Variants in ANKS1B observed in about 807,000 individuals in gnomAD.
ANKS1B encodes ankyrin repeat and sterile alpha motif domain containing 1B.
Under a neutral mutation model 148.3 loss-of-function variants are expected in ANKS1B, and 36 were observed. That is an observed-to-expected ratio of 0.24 (90% CI 0.19 to 0.32). The LOEUF (loss-of-function observed/expected upper bound fraction) is 0.32, where lower values mean the gene tolerates loss of function less well. ANKS1B is among the 10% of genes least tolerant of loss of function. ANKS1B has a pLI of 1.00. For synonymous variants in ANKS1B, 542 were observed against 560.8 expected, an observed-to-expected ratio of 0.97 and a Z score of 0.47; for missense variants, 1,157 against 1,542.6, an observed-to-expected ratio of 0.75 and a Z score of 4.19.
At chr12:99,893,268 G>A (rs568743867) in intron 1 of ANKS1B, among the ~76,000 whole-genome samples, 18 of 152,128 alleles carry the variant, frequency 1.2e-4, no homozygotes, top group African/African-American at 3.6e-4. Flanking sequence ...AAAATTAGCC[G>A]GGTGTGGTGG....
intron 17 of ANKS1B, among the ~76,000 whole-genome samples, chr12:98,886,918 C>T (rs1317523573): frequency 6.6e-6 from 1 of 151,990 alleles, no homozygotes; most frequent in Non-Finnish European, 1.5e-5. Context: ...ACAAAAAACT[C>T]ACAAATGCAG....
At chr12:99,343,264 C>G (rs905435964) in intron 12 of ANKS1B, among the ~76,000 whole-genome samples, 2 of 152,074 alleles carry the variant, frequency 1.3e-5, no homozygotes, top group African/African-American at 2.4e-5. Flanking sequence ...AGTCCAGCCT[C>G]TCTAGACTAC....
chr12:99,926,931 G>A (rs1456903201), intron 1 of ANKS1B, among the ~76,000 whole-genome samples: 1 of 152,116 alleles, frequency 6.6e-6, no homozygotes, highest in African/African-American at 2.4e-5. Context: ...GTAATTCTGT[G>A]GTTAGAACAT....
chr12:99,641,057 G>A (rs773933465), intron 9 of ANKS1B, among the ~76,000 whole-genome samples: 133 of 152,142 alleles, frequency 8.7e-4, no homozygotes, highest in African/African-American at 3.1e-3. Context: ...CAGATTTTCT[G>A]AGCACATACA....
In ANKS1B at chr12:99,255,661, T is replaced by C. The variant is rs572928110; in HGVS notation, c.1757-8797A>G. 2.0e-5 allele frequency among the ~76,000 whole-genome samples: 3 copies of C among 152,324 alleles called. No homozygotes were observed. The East Asian group carries it at 5.8e-4, about 29-fold the overall frequency. ...CATCACATTTGATATTTAGCATTTA[T>C]ATTTTTGTTTAACTTTAAAGGTTTT... On this transcript the variant is annotated intron_variant, in intron 12 of 26. Transcript: ENST00000683438.
At chr12:99,226,671 G>A (rs1285661891) in intron 14 of ANKS1B, among the ~76,000 whole-genome samples, 1 of 152,160 alleles carries the variant, frequency 6.6e-6, no homozygotes, top group African/African-American at 2.4e-5. Context: ...ATAAAACCGT[G>A]GAAATGTCCT....
intron 16 of ANKS1B, among the ~76,000 whole-genome samples, chr12:99,071,410 A>G (rs894716739): frequency 6.6e-6 from 1 of 152,222 alleles, no homozygotes; most frequent in Non-Finnish European, 1.5e-5. Flanking sequence ...CCTTATTCAA[A>G]ATGGCGAATA....
chr12:99,142,980 G>T (rs1340018880), intron 15 of ANKS1B, among the ~76,000 whole-genome samples: 1 of 152,078 alleles, frequency 6.6e-6, no homozygotes, highest in Non-Finnish European at 1.5e-5. Context: ...ATCTCTACAG[G>T]ATTACACCTT....
intron 1 of ANKS1B, among the ~76,000 whole-genome samples, chr12:99,921,190 G>A (rs867020476): frequency 3.3e-5 from 5 of 152,142 alleles, no homozygotes; most frequent in Admixed American, 6.6e-5. Context: ...TCTGTCAACA[G>A]AGGAAGGTGA....
At chr12:98,956,746 G>A (rs571063910) in intron 17 of ANKS1B, among the ~76,000 whole-genome samples, 15 of 152,176 alleles carry the variant, frequency 9.9e-5, no homozygotes, top group South Asian at 2.1e-4. Context: ...ACTTACAGTC[G>A]TCATACAGTA....
chr12:99,238,339 C>T (rs758862860), intron 14 of ANKS1B, among the ~76,000 whole-genome samples: 13 of 152,222 alleles, frequency 8.5e-5, no homozygotes, highest in East Asian at 1.9e-4. Context: ...TGCAGCTTGA[C>T]GGGGGGAGGG....
At chr12:99,038,078 G>A (rs2099956627) in intron 17 of ANKS1B, among the ~76,000 whole-genome samples, 1 of 152,108 alleles carries the variant, frequency 6.6e-6, no homozygotes, top group Non-Finnish European at 1.5e-5. Context: ...GCGCAGAAAC[G>A]TTTTTTGGCC....
chr12:99,390,583 T>C (rs2152545887), intron 12 of ANKS1B, among the ~76,000 whole-genome samples: 1 of 152,262 alleles, frequency 6.6e-6, no homozygotes, highest in Admixed American at 6.5e-5. Context: ...CGAGAGAATG[T>C]AGCATAATAA....
At chr12:99,435,995 T>C (rs1194518827) in intron 11 of ANKS1B, among the ~76,000 whole-genome samples, 1 of 152,052 alleles carries the variant, frequency 6.6e-6, no homozygotes. Flanking sequence ...CAAATCGCTC[T>C]TTGTTTTACT....
chr12:99,941,679 T>A (rs913029499), intron 1 of ANKS1B, among the ~76,000 whole-genome samples: 3 of 152,040 alleles, frequency 2.0e-5, no homozygotes, highest in African/African-American at 7.2e-5. Context: ...TGAAAACTGA[T>A]CTCCTAGCTA....
intron 2 of ANKS1B, among the ~76,000 whole-genome samples, chr12:99,818,277 C>T (rs749514869): frequency 1.1e-4 from 17 of 151,788 alleles, no homozygotes; most frequent in East Asian, 3.9e-4. Flanking sequence ...AGGAACACAT[C>T]GCCTGTGCTT....
intron 8 of ANKS1B, among the ~76,000 whole-genome samples, chr12:99,752,941 C>T (rs2061246856): frequency 6.6e-6 from 1 of 151,776 alleles, no homozygotes; most frequent in Non-Finnish European, 1.5e-5. Context: ...ATAGTCATAC[C>T]CTGAGGCAAA....
intron 12 of ANKS1B, among the ~76,000 whole-genome samples, chr12:99,257,620 C>G (rs1233700608): frequency 6.6e-6 from 1 of 151,846 alleles, no homozygotes; most frequent in Non-Finnish European, 1.5e-5. Flanking sequence ...TTTCCTATTT[C>G]CAGTAATAAT....
intron 12 of ANKS1B, among the ~76,000 whole-genome samples, chr12:99,340,351 C>T (rs1242227528): frequency 1.3e-5 from 2 of 152,096 alleles, no homozygotes; most frequent in Non-Finnish European, 2.9e-5. Flanking sequence ...CAAGTTCTCA[C>T]TCTGCCAATT....
Sources: allele counts gnomAD v4.1 joint callset (sites outside exome capture counted in the v4.1 genomes callset), GRCh38; gene constraint gnomAD v4.1.1; transcripts MANE v1.5; gene names NCBI Gene and HGNC (gene_info 2026-07-23, HGNC 2026-07-21).